MSANTD3: variants seen among roughly 807,000 people sequenced by gnomAD.
MSANTD3 encodes the protein Myb/SANT DNA binding domain containing 3.
In MSANTD3, 11 loss-of-function variants were observed where a neutral mutation model predicts 27.7. The observed-to-expected ratio is 0.40, with a 90% CI of 0.25 to 0.66. MSANTD3 has a LOEUF of 0.66. MSANTD3 is among the 30% of genes least tolerant of loss of function. The pLI is 0.41. For missense variants in MSANTD3, 250 were observed against 336.5 expected, an observed-to-expected ratio of 0.74 and a Z score of 2.01; for synonymous variants, 131 against 127.2, an observed-to-expected ratio of 1.03 and a Z score of -0.20.
At chr9:100,437,060 C>T (rs1394261954) in intron 1 of MSANTD3, among the ~76,000 whole-genome samples, 1 of 152,212 alleles carries the variant, frequency 6.6e-6, no homozygotes, top group East Asian at 1.9e-4. Context: ...CTGCCTCGGC[C>T]TCCCAAAGTG....
At chr9:100,436,584 C>T (rs1015800815) in intron 1 of MSANTD3, among the ~76,000 whole-genome samples, 9 of 152,040 alleles carry the variant, frequency 5.9e-5, no homozygotes, top group African/African-American at 1.7e-4. Flanking sequence ...CGGCAGGGAA[C>T]GCTTTTTATG....
chr9:100,441,696 A>G (rs940742880), intron 1 of MSANTD3, among the ~76,000 whole-genome samples: 7 of 152,246 alleles, frequency 4.6e-5, no homozygotes, highest in Admixed American at 1.3e-4. Flanking sequence ...TAGTCACAGT[A>G]TAGCCACAAC....
intron 2 of MSANTD3, among the ~76,000 whole-genome samples, chr9:100,443,903 C>G (rs1023707116): frequency 6.6e-5 from 10 of 152,196 alleles, no homozygotes; most frequent in African/African-American, 9.7e-5. Context: ...TTCAAGGACC[C>G]AGCAAGCACT....
intron 2 of MSANTD3, among the ~76,000 whole-genome samples, chr9:100,446,204 G>A (rs1226721): frequency 6.6e-6 from 1 of 152,126 alleles, no homozygotes; most frequent in Non-Finnish European, 1.5e-5. Flanking sequence ...CTTGATAACT[G>A]TGAACATTTC....
chr9:100,437,694 T>A (rs1836505889), intron 1 of MSANTD3, among the ~76,000 whole-genome samples: 1 of 152,180 alleles, frequency 6.6e-6, no homozygotes, highest in Non-Finnish European at 1.5e-5. Context: ...AAATAACAGT[T>A]TAGTTAATAG....
chr9:100,448,688 G>GGTA, intron 2 of MSANTD3: 10 of 985,356 alleles, frequency 1.0e-5, no homozygotes, highest in Non-Finnish European at 1.2e-5. Flanking sequence ...TTGAAAGGGA[G>GGTA]GTAAACTGCC....
chr9:100,440,779 C>T, intron 1 of MSANTD3, among the ~76,000 whole-genome samples: 1 of 125,642 alleles, frequency 8.0e-6, no homozygotes, highest in Non-Finnish European at 1.7e-5. Flanking sequence ...CTTTTTCTTC[C>T]CTTTTTTTTT....
intron 2 of MSANTD3, chr9:100,449,199 T>C: frequency 1.0e-6 from 1 of 985,402 alleles, no homozygotes; most frequent in East Asian, 1.1e-4. Context: ...GTGGTTTCCT[T>C]ATTGCAACTC....
At chr9:100,427,954 G>C (rs1191096136) in intron 1 of MSANTD3, among the ~76,000 whole-genome samples, 3 of 152,072 alleles carry the variant, frequency 2.0e-5, no homozygotes, top group Non-Finnish European at 4.4e-5. Flanking sequence ...GGTCGGGGGG[G>C]CGTGGTATAA....
Position 100,451,206 on chromosome 9 carries a change from T to C in MSANTD3, c.*240T>C. On this transcript the variant is annotated 3_prime_UTR_variant, in exon 3 of 3. Coordinates refer to ENST00000395067, the MANE Select transcript of MSANTD3 (RefSeq NM_080655.3). The stretch of plus-strand genomic sequence containing the variant: ...GAGTGCTATAATTCTGAATATAATG[T>C]CTCTTAATTAGAATTCATACAAGAA... 2.4e-6 allele frequency: 1 copy of C among 412,768 alleles called. No homozygotes were observed. The highest frequency in any genetic ancestry group is 3.6e-5 in the East Asian group (1 of 27,928). The allele number at this position is 412,768 out of a possible 1,614,324, so 25.6% of individuals were successfully genotyped here. A position where few individuals can be genotyped will look rare whatever the true frequency, so the allele number is the denominator to read the frequency against.
At chr9:100,431,301 C>CTTTT (rs34098873) in intron 1 of MSANTD3, among the ~76,000 whole-genome samples, 1 of 128,616 alleles carries the variant, frequency 7.8e-6, no homozygotes, top group African/African-American at 2.9e-5. Context: ...CATGCCTAGC[C>CTTTT]TTTTTTTTTT....
rs1057405996 is a variant in MSANTD3, at chr9:100,427,243, C to G, written c.-184C>G. ...GCGCGCGCGGCGGGGCCTGGCCGGC[C>G]GGGGGCGCGCCGCCGCCGCCGCCGC... is the stretch of plus-strand genomic sequence containing the variant. On this transcript the variant is annotated 5_prime_UTR_variant, in exon 1 of 3. Coordinates refer to ENST00000395067, the MANE Select transcript of MSANTD3 (RefSeq NM_080655.3). 7 of 145,340 alleles carry G rather than the reference C, an allele frequency of 4.8e-5. No homozygotes were observed. The highest frequency in any genetic ancestry group is 1.7e-4 in the African/African-American group (7 of 40,580). 9.0% of individuals were successfully genotyped at this position (145,340 alleles called of 1,614,324 possible).
At chr9:100,448,997 C>T in intron 2 of MSANTD3, 1 of 985,182 alleles carries the variant, frequency 1.0e-6, no homozygotes, top group Non-Finnish European at 1.2e-6. Flanking sequence ...AGTTAGGTTT[C>T]CCCCAGTACC....
At chr9:100,449,525 T>G (rs1836833695) in intron 2 of MSANTD3, among the ~76,000 whole-genome samples, 2 of 151,952 alleles carry the variant, frequency 1.3e-5, no homozygotes, top group Non-Finnish European at 2.9e-5. Context: ...TGGGGTGAGG[T>G]TAAAAAAGCG....
chr9:100,430,108 A>AAAAAAATCT (rs1386407714), intron 1 of MSANTD3, among the ~76,000 whole-genome samples: 4 of 151,956 alleles, frequency 2.6e-5, no homozygotes, highest in Non-Finnish European at 4.4e-5. Flanking sequence ...AAAAAAAAAA[A>AAAAAAATCT]AAAAAATCTA....
intron 2 of MSANTD3, among the ~76,000 whole-genome samples, chr9:100,443,591 A>G (rs1836683015): frequency 6.6e-6 from 1 of 152,194 alleles, no homozygotes; most frequent in South Asian, 2.1e-4. Flanking sequence ...TAAGTTTAAT[A>G]TACTTCCATT....
intron 1 of MSANTD3, among the ~76,000 whole-genome samples, chr9:100,435,966 T>G (rs1836469776): frequency 1.3e-5 from 2 of 152,240 alleles, no homozygotes; most frequent in South Asian, 4.1e-4. Context: ...TTCTGGTGGT[T>G]TAGTCAATGT....
Position 100,450,648 on chromosome 9 carries a change from C to G in MSANTD3, c.510C>G (p.Pro170=). 1 of 1,614,042 alleles carries G rather than the reference C, an allele frequency of 6.2e-7. No homozygotes were observed. The highest frequency in any genetic ancestry group is 8.5e-7 in the Non-Finnish European group (1 of 1,179,996). The part of the protein sequence containing the change: ...PVCEGTSQPE[P]SCSAVRITAN... ...GTGAGGGGACCTCTCAACCTGAACC[C>G]TCGTGTTCAGCTGTCAGAATAACAG... is the stretch of plus-strand genomic sequence containing the variant. The change falls in exon 3 of 3, where the codon CCC becomes CCG. Residue 170 remains proline (P), a synonymous_variant. Coordinates refer to ENST00000395067, the MANE Select transcript of MSANTD3 (RefSeq NM_080655.3).
chr9:100,447,048 G>T (rs1252361140), intron 2 of MSANTD3, among the ~76,000 whole-genome samples: 1 of 152,020 alleles, frequency 6.6e-6, no homozygotes, highest in Non-Finnish European at 1.5e-5. Flanking sequence ...TACTCCAGTT[G>T]TCCAAGTGAA....
Sources: allele counts gnomAD v4.1 joint callset (sites outside exome capture counted in the v4.1 genomes callset), GRCh38; gene constraint gnomAD v4.1.1; transcripts MANE v1.5; gene names NCBI Gene and HGNC (gene_info 2026-07-23, HGNC 2026-07-21).